EPHA6: variants seen among roughly 807,000 people sequenced by gnomAD.
The protein encoded by EPHA6 is ephrin type-A receptor 6.
A neutral mutation model predicts 112.0 loss-of-function variants in EPHA6; 50 were observed. That is an observed-to-expected ratio of 0.45 (90% CI 0.36 to 0.56). The LOEUF (loss-of-function observed/expected upper bound fraction) is 0.56. EPHA6 is among the 20% of genes least tolerant of loss of function. The pLI is 0.00. For synonymous variants in EPHA6, 529 were observed against 490.7 expected, an observed-to-expected ratio of 1.08 and a Z score of -1.03; for missense variants, 1,280 against 1,417.4, an observed-to-expected ratio of 0.90 and a Z score of 1.56.
intron 5 of EPHA6, among the ~76,000 whole-genome samples, chr3:97,317,384 G>T (rs1251674039): frequency 6.6e-6 from 1 of 151,764 alleles, no homozygotes; most frequent in Non-Finnish European, 1.5e-5. Context: ...CCAACCACAG[G>T]GATGTTTTAA....
chr3:97,048,505 A>T (rs1431606352), intron 3 of EPHA6, among the ~76,000 whole-genome samples: 1 of 152,210 alleles, frequency 6.6e-6, no homozygotes, highest in African/African-American at 2.4e-5. Flanking sequence ...GAACATAAAG[A>T]TTATTCTTGC....
chr3:96,920,033 G>T (rs1232543636), intron 2 of EPHA6, among the ~76,000 whole-genome samples: 1 of 151,918 alleles, frequency 6.6e-6, no homozygotes, highest in Non-Finnish European at 1.5e-5. Flanking sequence ...AGCAGGCCGA[G>T]ATTTCTTAAA....
chr3:96,911,491 A>G (rs1253683964), intron 2 of EPHA6, among the ~76,000 whole-genome samples: 1 of 152,060 alleles, frequency 6.6e-6, no homozygotes, highest in Non-Finnish European at 1.5e-5. Context: ...TTAAGATAGC[A>G]GTTACATTTG....
rs2035777605 is a variant in EPHA6 at position 96,857,717 on chromosome 3, G to A, written c.386-9108G>A. Among the ~76,000 whole-genome samples, 4 of 151,016 alleles carry A rather than the reference G, an allele frequency of 2.6e-5. No homozygotes were observed. In the South Asian group the frequency reaches 8.3e-4, roughly 31 times the overall value. On this transcript the variant is annotated intron_variant, in intron 1 of 17. Coordinates refer to ENST00000389672, the MANE Select transcript of EPHA6 (RefSeq NM_001080448.3). ...TCATTATAGACTACTCTGTTCTACA[G>A]GCAGTATTACTTACTAAACTACTAC...
intron 2 of EPHA6, among the ~76,000 whole-genome samples, chr3:96,935,360 A>G (rs958110089): frequency 2.0e-5 from 3 of 151,640 alleles, no homozygotes; most frequent in African/African-American, 7.2e-5. Flanking sequence ...TTTTCCATTC[A>G]AGGTTAAAAA....
At chr3:97,110,324 G>C (rs2108280513) in intron 3 of EPHA6, among the ~76,000 whole-genome samples, 1 of 152,200 alleles carries the variant, frequency 6.6e-6, no homozygotes, top group Non-Finnish European at 1.5e-5. Context: ...CCAGCCCAGA[G>C]TCGTACAGCT....
intron 2 of EPHA6, among the ~76,000 whole-genome samples, chr3:96,890,417 A>G (rs2037886496): frequency 6.6e-6 from 1 of 152,200 alleles, no homozygotes; most frequent in Non-Finnish European, 1.5e-5. Context: ...ATGAAAAGGA[A>G]CTTAATCTTT....
rs540473486 is a variant in EPHA6 at position 96,902,050 on chromosome 3, T to C, written c.450+35161T>C. 3.3e-5 allele frequency among the ~76,000 whole-genome samples: 5 copies of C among 152,252 alleles called. No homozygotes were observed. In the East Asian group the frequency reaches 7.7e-4, roughly 24 times the overall value. The stretch of plus-strand genomic sequence containing the variant: ...AATTACACCAATTTCACAAAACTTA[T>C]TACTAATTTACAGTGTCAGCCTATT... On this transcript the variant is annotated intron_variant, in intron 2 of 17. Transcript: ENST00000389672.
In EPHA6 at chr3:97,751,931, A is replaced by G. The variant is rs2035911994; in HGVS notation, c.*3230A>G. On this transcript the variant is annotated 3_prime_UTR_variant, in exon 18 of 18. Transcript: ENST00000389672. ...GTCTATGGTGAACTCATTATCTCAT[A>G]GTAGAAGGCATATTTGGAAAAAATG... 6.6e-6 allele frequency among the ~76,000 whole-genome samples: 1 copy of G among 152,158 alleles called. No individual in the cohort carries two copies. The highest frequency in any genetic ancestry group is 2.4e-5 in the African/African-American group (1 of 41,454).
intron 3 of EPHA6, among the ~76,000 whole-genome samples, chr3:97,144,671 T>C (rs1358957110): frequency 1.3e-5 from 2 of 151,536 alleles, no homozygotes; most frequent in African/African-American, 4.8e-5. Context: ...GATTTTATCT[T>C]AAAATTAATA....
At chr3:97,109,459 T>G (rs1026779000) in intron 3 of EPHA6, among the ~76,000 whole-genome samples, 1 of 151,676 alleles carries the variant, frequency 6.6e-6, no homozygotes, top group East Asian at 1.9e-4. Flanking sequence ...GGAAGGAGAG[T>G]TGTGTTAAGG....
chr3:97,081,214 G>T (rs1469486794), intron 3 of EPHA6, among the ~76,000 whole-genome samples: 1 of 151,846 alleles, frequency 6.6e-6, no homozygotes, highest in Non-Finnish European at 1.5e-5. Context: ...TTGAAATTAG[G>T]CAGGAACTGA....
Position 97,389,476 on chromosome 3 carries a change from GTTA to G in EPHA6, c.1607-15673_1607-15671del, listed in dbSNP as rs1398861700. Among the ~76,000 whole-genome samples, 5 of 152,126 alleles carry G rather than the reference GTTA, an allele frequency of 3.3e-5. No individual in the cohort carries two copies. The South Asian group carries it at 1.0e-3, about 32-fold the overall frequency. On this transcript the variant is annotated intron_variant, in intron 5 of 17. Coordinates refer to ENST00000389672, the MANE Select transcript of EPHA6 (RefSeq NM_001080448.3). ...ATAATATTTATTTTTTGAAATTAATGTTACATTATATTTATTTTCATACCTACT... is the reference window on the plus strand; with the variant it reads ...ATAATATTTATTTTTTGAAATTAATGCATTATATTTATTTTCATACCTACT...
At chr3:97,308,306 C>T (rs1425248220) in intron 5 of EPHA6, among the ~76,000 whole-genome samples, 2 of 151,654 alleles carry the variant, frequency 1.3e-5, no homozygotes, top group Non-Finnish European at 3.0e-5. Flanking sequence ...TAATCATATT[C>T]TTTAAAATCT....
chr3:97,665,250 A>C (rs1026216757), intron 14 of EPHA6, among the ~76,000 whole-genome samples: 1 of 152,230 alleles, frequency 6.6e-6, no homozygotes, highest in African/African-American at 2.4e-5. Flanking sequence ...TGGTGCTGGG[A>C]AAACTGGCTA....
intron 15 of EPHA6, among the ~76,000 whole-genome samples, chr3:97,729,123 T>C (rs959344324): frequency 2.0e-5 from 3 of 152,064 alleles, no homozygotes; most frequent in African/African-American, 7.2e-5. Context: ...AACAACAAAT[T>C]AGTCTCTGAA....
chr3:97,250,879 C>CT (rs1048721864), intron 5 of EPHA6, among the ~76,000 whole-genome samples: 6 of 145,910 alleles, frequency 4.1e-5, no homozygotes, highest in East Asian at 2.0e-4. Flanking sequence ...TTTTTTTTCT[C>CT]TTTTTTTAGA....
At chr3:97,390,378 G>C (rs1377108062) in intron 5 of EPHA6, among the ~76,000 whole-genome samples, 1 of 151,686 alleles carries the variant, frequency 6.6e-6, no homozygotes, top group Non-Finnish European at 1.5e-5. Context: ...GTATGAGCAC[G>C]TTCTCCCTTT....
intron 13 of EPHA6, among the ~76,000 whole-genome samples, chr3:97,630,023 T>C (rs1014242019): frequency 1.3e-5 from 2 of 152,070 alleles, no homozygotes; most frequent in Non-Finnish European, 2.9e-5. Context: ...CTTTGTAAGC[T>C]AAAGCTATAT....
Sources: gnomAD v4.1 joint callset for allele counts (sites outside exome capture counted in the v4.1 genomes callset) on GRCh38, gnomAD v4.1.1 for gene constraint, MANE v1.5 for transcripts, NCBI Gene and HGNC (gene_info 2026-07-23, HGNC 2026-07-21) for gene names.